The following GDAP1 variants were observed in gnomAD, a reference collection of about 807,000 sequenced individuals.
GDAP1 encodes the protein ganglioside-induced differentiation-associated protein 1.
GDAP1 carries 34 observed loss-of-function variants against 40.1 expected under a neutral mutation model. The ratio of observed to expected loss-of-function variants is 0.85; its 90% confidence interval spans 0.64 to 1.13. GDAP1 has a LOEUF of 1.13. Ranked by LOEUF, GDAP1 falls within the 50% of genes most tolerant of loss-of-function variation. The pLI is 0.00. For synonymous variants in GDAP1, 170 were observed against 157.4 expected (o/e 1.08, Z -0.60); for missense variants, 374 against 433.7 (o/e 0.86, Z 1.22).
At position 74,365,391 on chromosome 8, in the gene GDAP1, T is replaced by G; in HGVS notation, c.*1024T>G. The stretch of plus-strand genomic sequence containing the variant: ...AGTGATGCATACCTGTATTCACTGA[T>G]GTATGTTTAAGGGATTTGGGGGGGA... On this transcript the variant is annotated 3_prime_UTR_variant, in exon 6 of 6. Transcript: ENST00000220822. The G allele has an allele frequency of 2.2e-6, 1 of 453,952 alleles. No individual in the cohort carries two copies. Among genetic ancestry groups the G allele is most frequent in the Non-Finnish European group, 4.4e-6 (1 of 226,776 alleles). 28.1% of individuals were successfully genotyped at this position (453,952 alleles called of 1,614,324 possible). A position where few individuals can be genotyped will look rare whatever the true frequency, so the allele number is the denominator to read the frequency against.
At chr8:74,350,670 C>T in intron 1 of GDAP1, 92 bp downstream of exon 1, 1 of 883,910 alleles carries the variant, frequency 1.1e-6, no homozygotes, top group Non-Finnish European at 1.9e-6. Flanking sequence ...AGCCGGTCCA[C>T]CTAGAAATCC....
chr8:74,415,725 C>T lies in GDAP1; in HGVS notation c.165+64404C>T, dbSNP rs567618315. 1.3e-5 allele frequency among the ~76,000 whole-genome samples: 2 copies of T among 150,034 alleles called. 1 individual carries two copies. Among genetic ancestry groups the T allele is most frequent in the African/African-American group, 5.1e-5 (2 of 39,370 alleles). The stretch of plus-strand genomic sequence containing the variant: ...TGTGCTCTGCATGCACTCCCAGTCT[C>T]CAGTGGGGATAGAGGGAAGCCATTC... On this transcript the variant is annotated intron_variant, in intron 2 of 2. Coordinates refer to the GDAP1 transcript ENST00000523640.
At chr8:74,442,710 A>C (rs1304667394) in intron 2 of GDAP1, among the ~76,000 whole-genome samples, 1 of 152,212 alleles carries the variant, frequency 6.6e-6, no homozygotes, top group Non-Finnish European at 1.5e-5. Flanking sequence ...CTGTCAGCAC[A>C]GGAGAGCAAA....
At chr8:74,402,535 G>A (rs898466669) in intron 2 of GDAP1, among the ~76,000 whole-genome samples, 4 of 150,122 alleles carry the variant, frequency 2.7e-5, no homozygotes, top group Admixed American at 6.6e-5. Flanking sequence ...GCCCTGCTTC[G>A]GCTCGCGCAT....
At chr8:74,461,808 C>G (rs1806405304) in intron 2 of GDAP1, among the ~76,000 whole-genome samples, 1 of 152,182 alleles carries the variant, frequency 6.6e-6, no homozygotes, top group African/African-American at 2.4e-5. Flanking sequence ...AGTTCAGTTT[C>G]ACTTGTATTT....
At chr8:74,479,477 A>G (rs1806678835) in intron 2 of GDAP1, among the ~76,000 whole-genome samples, 2 of 152,174 alleles carry the variant, frequency 1.3e-5, no homozygotes, top group South Asian at 4.1e-4. Context: ...CTTTTTTATG[A>G]ATGTTGCTTC....
chr8:74,478,591 G>A (rs1002930211), intron 2 of GDAP1, among the ~76,000 whole-genome samples: 1 of 152,118 alleles, frequency 6.6e-6, no homozygotes, highest in Non-Finnish European at 1.5e-5. Flanking sequence ...CATCTTGCAG[G>A]TAGTACCATC....
At chr8:74,464,847 TCTTCC>T (rs1806448239) in intron 2 of GDAP1, among the ~76,000 whole-genome samples, 1 of 152,188 alleles carries the variant, frequency 6.6e-6, no homozygotes, top group Non-Finnish European at 1.5e-5. Context: ...ATTGTAAGTA[TCTTCC>T]AAGATACTTA....
chr8:74,390,941 C>T (rs982498098), intron 2 of GDAP1, among the ~76,000 whole-genome samples: 5 of 152,206 alleles, frequency 3.3e-5, no homozygotes, highest in Non-Finnish European at 5.9e-5. Flanking sequence ...CTGCAGTGGG[C>T]TCTGCCCAGT....
intron 2 of GDAP1, among the ~76,000 whole-genome samples, chr8:74,475,176 TTTA>T (rs1270864500): frequency 1.3e-5 from 2 of 152,156 alleles, no homozygotes; most frequent in African/African-American, 4.8e-5. Context: ...GCTTTTCTTT[TTTA>T]TTAATATAGC....
rs1359367948 is a variant in GDAP1 at position 74,360,229 on chromosome 8, G to A, written c.403G>A (p.Ala135Thr). The change falls in exon 3 of 6, where the codon GCC becomes ACC. Residue 135 changes from alanine (A) to threonine (T), a missense_variant. By Grantham distance (58) the Ala-to-Thr change is moderately conservative. Coordinates refer to ENST00000220822, the MANE Select transcript of GDAP1 (RefSeq NM_018972.4). ...RELLDSLPMD[A>T]YTHGCILHPE... Reference sequence around the variant, plus strand: ...GCTGCTTGACTCCTTGCCAATGGATGCCTATACACATGGCTGCATTTTACA... The same window carrying A: ...GCTGCTTGACTCCTTGCCAATGGATACCTATACACATGGCTGCATTTTACA... The A allele has an allele frequency of 1.2e-6, 2 of 1,612,862 alleles. No individual in the cohort carries two copies. The highest frequency in any genetic ancestry group is 3.3e-5 in the Admixed American group (2 of 60,008).
In GDAP1 at chr8:74,453,487, T is replaced by C. The variant is rs1291282903; in HGVS notation, c.166-35191T>C. ...CCAAAGATTTTTAAATTACTGATTA[T>C]GTGCCAGGTGCTGTGCTACTCACTA... On this transcript the variant is annotated intron_variant, in intron 2 of 2. Coordinates refer to the GDAP1 transcript ENST00000523640. 3.6e-5 allele frequency among the ~76,000 whole-genome samples: 3 copies of C among 84,490 alleles called. 1 individual carries two copies. Among genetic ancestry groups the C allele is most frequent in the Non-Finnish European group, 7.3e-5 (3 of 41,364 alleles). The allele number at this position is 84,490 out of a possible 152,430, so 55.4% of individuals were successfully genotyped here.
rs1805805519 is a variant in GDAP1, at chr8:74,417,919, G to T, written c.165+66598G>T. ...TATGCTAGGAATAAACAATTGCAAA[G>T]AAAAAATTTGAAAACTACCAATTCA... On this transcript the variant is annotated intron_variant, in intron 2 of 2. Coordinates refer to the GDAP1 transcript ENST00000523640. Among the ~76,000 whole-genome samples the T allele has an allele frequency of 2.6e-5, 4 of 152,118 alleles. No homozygotes were observed. The South Asian group carries it at 8.3e-4, about 32-fold the overall frequency.
intron 2 of GDAP1, among the ~76,000 whole-genome samples, chr8:74,400,850 TTC>T (rs1810318037): frequency 1.3e-5 from 2 of 149,238 alleles, no homozygotes; most frequent in African/African-American, 5.2e-5. Context: ...GGGTTGAAAA[TTC>T]TTTTCTTTAA....
At chr8:74,401,683 T>A (rs1810344215) in intron 2 of GDAP1, among the ~76,000 whole-genome samples, 1 of 149,666 alleles carries the variant, frequency 6.7e-6, no homozygotes, top group Non-Finnish European at 1.5e-5. Context: ...ATCTTTGTGG[T>A]TTTATCTACT....
chr8:74,355,594 G>T (rs1809057513), intron 2 of GDAP1, among the ~76,000 whole-genome samples: 1 of 152,156 alleles, frequency 6.6e-6, no homozygotes, highest in Non-Finnish European at 1.5e-5. Context: ...GAATGGATGT[G>T]ACAAGGTGAA....
rs1491524526 is a variant in GDAP1 at position 74,422,332 on chromosome 8, T to TC, written c.166-66345dup. 1.5e-3 allele frequency among the ~76,000 whole-genome samples: 97 copies of TC among 64,350 alleles called. 1 individual carries two copies. The highest frequency in any genetic ancestry group is 7.3e-3 in the African/African-American group (91 of 12,444). 42.2% of individuals were successfully genotyped at this position (64,350 alleles called of 152,430 possible). A position where few individuals can be genotyped will look rare whatever the true frequency, so the allele number is the denominator to read the frequency against. ...TTCTTTCTTTCTTTCTTTCTTTCTT[T>TC]CTTTCTTTCTTTCTTTCTTCCCTTC... On this transcript the variant is annotated intron_variant, in intron 2 of 2. Coordinates refer to the GDAP1 transcript ENST00000523640.
rs552553489 is a variant in GDAP1, at chr8:74,411,449, C to G, written c.165+60128C>G. ...ATCCAATAGTGTTTGCTGAAATTTT[C>G]AGTGTTTGAATGTTTGCTACAGTCT... On this transcript the variant is annotated intron_variant, in intron 2 of 2. Transcript: ENST00000523640. Among the ~76,000 whole-genome samples the G allele has an allele frequency of 4.7e-5, 7 of 149,344 alleles. 1 individual carries two copies. The Middle Eastern group carries it at 0.017, about 363-fold the overall frequency.
rs115003117 is a variant in GDAP1, at chr8:74,422,024, G to A, written c.166-66654G>A. On this transcript the variant is annotated intron_variant, in intron 2 of 2. Coordinates refer to the GDAP1 transcript ENST00000523640. ...GCTTAGTTAGCTTTGAGAGGGAAAG[G>A]GTAGAATCCATTTAAGGAGACAGGT... 5.5e-3 allele frequency among the ~76,000 whole-genome samples: 838 copies of A among 152,090 alleles called. 9 individuals are homozygous for A. The highest frequency in any genetic ancestry group is 0.019 in the African/African-American group (778 of 41,506).
Sources: allele counts gnomAD v4.1 joint callset (sites outside exome capture counted in the v4.1 genomes callset), GRCh38; gene constraint gnomAD v4.1.1; transcripts MANE v1.5; gene names NCBI Gene and HGNC (gene_info 2026-07-23, HGNC 2026-07-21).